Variants in NOP9 observed in about 807,000 individuals in gnomAD.
NOP9 encodes the protein nucleolar protein 9.
In NOP9, 50 loss-of-function variants were observed where a neutral mutation model predicts 63.0. The ratio of observed to expected loss-of-function variants is 0.79; its 90% CI spans 0.63 to 1.00. NOP9 has a LOEUF of 1.00. Among genes scored for constraint, NOP9 ranks in the 50% least tolerant of loss-of-function variants. The probability of loss-of-function intolerance (pLI) is 0.00; values close to 1 mark genes in which losing one functional copy is unlikely to be tolerated. For synonymous variants in NOP9, 343 were observed against 332.8 expected, an observed-to-expected ratio of 1.03 and a Z score of -0.33; for missense variants, 758 against 803.0, an observed-to-expected ratio of 0.94 and a Z score of 0.68.
the NOP9 span, chr14:24,291,220 C>A: frequency 6.2e-7 from 1 of 1,614,134 alleles, no homozygotes; most frequent in Non-Finnish European, 8.5e-7. Context: ...ATATTGGGAT[C>A]TGCGGGCACA....
chr14:24,294,360 G>A, the NOP9 span: 1 of 152,140 alleles, frequency 6.6e-6, no homozygotes, highest in East Asian at 1.9e-4. Flanking sequence ...GGCTGAGGTG[G>A]GTAGATCACT....
chr14:24,300,881 G>A, intron 2 of NOP9, 24 bp downstream of exon 2: 1 of 1,559,558 alleles, frequency 6.4e-7, no homozygotes, highest in Non-Finnish European at 8.7e-7. Flanking sequence ...GAGGAAAGTG[G>A]ACCTAGGGGG....
rs375008436 is a variant in NOP9, at chr14:24,300,044, C to T, written c.90C>T (p.Arg30=). The part of the protein sequence containing the change: ...KRGRGAKGSG[R]PLPGRKRQPW... The stretch of plus-strand genomic sequence containing the variant: ...GGCGCGGGGCCAAGGGGTCGGGGCG[C>T]CCCTTACCAGGCCGTAAGCGGCAAC... The change falls in exon 1 of 10, where the codon CGC becomes CGT. Residue 30 remains arginine (R), a synonymous_variant. Coordinates refer to ENST00000267425, the MANE Select transcript of NOP9 (RefSeq NM_174913.3). 27 of 1,610,944 alleles carry T rather than the reference C, an allele frequency of 1.7e-5. No individual in the cohort carries two copies. The highest frequency in any genetic ancestry group is 2.7e-5 in the African/African-American group (2 of 74,892).
rs1174743551 is a variant in NOP9 at position 24,300,608 on chromosome 14, T to G, written c.448T>G (p.Leu150Val). ...RCGVHVLQSA[L>V]LQLPRLLGSA... ...CGGGGTCCATGTATTACAAAGTGCTTTGCTACAGCTCCCTCGATTGCTGGG... is the reference window on the plus strand; with the variant it reads ...CGGGGTCCATGTATTACAAAGTGCTGTGCTACAGCTCCCTCGATTGCTGGG... The change falls in exon 2 of 10, where the codon TTG becomes GTG. Residue 150 changes from leucine (L) to valine (V), a missense_variant. Transcript: ENST00000267425. 6.2e-7 allele frequency: 1 copy of G among 1,613,620 alleles called. No individual in the cohort carries two copies. The highest frequency in any genetic ancestry group is 8.5e-7 in the Non-Finnish European group (1 of 1,179,990).
At position 24,307,849 on chromosome 14, in the gene NOP9, G is replaced by C; in HGVS notation, c.*2754G>C. 6.3e-7 allele frequency: 1 copy of C among 1,593,082 alleles called. No homozygotes were observed. Among genetic ancestry groups the C allele is most frequent in the Non-Finnish European group, 8.6e-7 (1 of 1,169,312 alleles). ...AAGTCACTGGGGTTCAGAGCTGAGA[G>C]GTACTCCATGGTGGACCGGAGAGTT... On this transcript the variant is annotated 3_prime_UTR_variant, in exon 10 of 10. Transcript: ENST00000267425.
chr14:24,290,826 G>A, the NOP9 span: 31 of 1,612,542 alleles, frequency 1.9e-5, no homozygotes, highest in Admixed American at 2.3e-4. Flanking sequence ...CAAATGAGAA[G>A]ACAAGCAGAG....
At chr14:24,280,903 A>G in the NOP9 span, among the ~76,000 whole-genome samples, 2 of 152,288 alleles carry the variant, frequency 1.3e-5, no homozygotes, top group East Asian at 1.9e-4. Context: ...GAGCTTGGTC[A>G]GGGGTGGCTG....
At chr14:24,296,951 A>C, upstream of NOP9, 1 of 1,603,524 alleles carries the variant, frequency 6.2e-7, no homozygotes, top group Non-Finnish European at 8.5e-7. Flanking sequence ...CTCCCCAACC[A>C]AAGTGGGCTT....
rs990845299 is a variant in NOP9, at chr14:24,309,097, A to G, written c.*4002A>G. On this transcript the variant is annotated 3_prime_UTR_variant, in exon 10 of 10. Coordinates refer to ENST00000267425, the MANE Select transcript of NOP9 (RefSeq NM_174913.3). ...ACGCTGTAGCCCACTCATTAAGTAC[A>G]TTCTCCTAATAAATGCTTTGGACTG... 1.3e-5 allele frequency: 2 copies of G among 152,206 alleles called. No individual in the cohort carries two copies. The highest frequency in any genetic ancestry group is 2.9e-5 in the Non-Finnish European group (2 of 68,042). 9.4% of individuals were successfully genotyped at this position (152,206 alleles called of 1,614,324 possible).
upstream of NOP9, chr14:24,299,675 G>A: frequency 2.5e-6 from 1 of 403,928 alleles, no homozygotes; most frequent in South Asian, 6.1e-5. Context: ...TGGAGGCAGT[G>A]TTCAAGGATT....
chr14:24,300,990 T>A, intron 2 of NOP9, 133 bp downstream of exon 2: 2 of 727,994 alleles, frequency 2.7e-6, no homozygotes, highest in Non-Finnish European at 2.2e-6. Flanking sequence ...TGTCCTAATC[T>A]GAACAGGGCT....
In NOP9 at chr14:24,302,303, C is replaced by T; in HGVS notation, c.1022C>T (p.Pro341Leu). 1.2e-6 allele frequency: 2 copies of T among 1,614,160 alleles called. No individual in the cohort carries two copies. Among genetic ancestry groups the T allele is most frequent in the Admixed American group, 3.3e-5 (2 of 60,022 alleles). Residue 341 changes from proline (P) to leucine (L), a missense_variant, in exon 5 of 10, where the codon CCC (proline) becomes CTC (leucine). Physicochemically the swap from Pro to Leu is moderately conservative, Grantham distance 98 (BLOSUM62 -3). Coordinates refer to ENST00000267425, the MANE Select transcript of NOP9 (RefSeq NM_174913.3). ...LLEQVLLVLE[P>L]PRLQSLFEEH... is the part of the protein sequence containing the mutation. ...GAGCAGGTCCTGCTGGTGTTGGAGC[C>T]CCCAAGACTCCAGAGCCTCTTTGAG...
rs2041459922 is a variant in NOP9 at position 24,305,205 on chromosome 14, T to C, written c.*110T>C. On this transcript the variant is annotated 3_prime_UTR_variant, in exon 10 of 10. Coordinates refer to ENST00000267425, the MANE Select transcript of NOP9 (RefSeq NM_174913.3). ...AGAAGTCTTAGTGGTAAATATTTGA[T>C]ATTTTTATTGGAAATGTTTTTGTTA... 8.8e-7 allele frequency: 1 copy of C among 1,138,998 alleles called. No individual in the cohort carries two copies. The highest frequency in any genetic ancestry group is 1.6e-5 in the African/African-American group (1 of 62,288). 70.6% of individuals were successfully genotyped at this position (1,138,998 alleles called of 1,614,324 possible). A position where few individuals can be genotyped will look rare whatever the true frequency, so the allele number is the denominator to read the frequency against.
At chr14:24,279,986 G>T in the NOP9 span, among the ~76,000 whole-genome samples, 1 of 152,178 alleles carries the variant, frequency 6.6e-6, no homozygotes, top group African/African-American at 2.4e-5. Context: ...ACTCCTCTAG[G>T]GGAGGAAAGA....
Position 24,306,034 on chromosome 14 carries a change from A to G in NOP9, c.*939A>G, listed in dbSNP as rs773522747. The G allele has an allele frequency of 1.2e-6, 2 of 1,614,058 alleles. No individual in the cohort carries two copies. Among genetic ancestry groups the G allele is most frequent in the Non-Finnish European group, 1.7e-6 (2 of 1,180,036 alleles). On this transcript the variant is annotated 3_prime_UTR_variant, in exon 10 of 10. Coordinates refer to ENST00000267425, the MANE Select transcript of NOP9 (RefSeq NM_174913.3). ...TGTGGCTTTGACATTCAGGCTGCCA[A>G]AGAGGTCTCGAGGGTTTTGCTTGTA...
In NOP9 at chr14:24,304,282, G is replaced by GACA; in HGVS notation, c.1647+6_1647+7insCAA. 6.2e-7 allele frequency: 1 copy of GACA among 1,611,642 alleles called. No homozygotes were observed. The highest frequency in any genetic ancestry group is 8.5e-7 in the Non-Finnish European group (1 of 1,178,352). On this transcript the variant is annotated splice_donor_region_variant and intron_variant, in intron 8 of 9. Transcript: ENST00000267425. ...CGTGTGCTGCAGAACCTAAAGGTTA[G>GACA]ATTTCTGGCTTTTGCCTTGATTCCC...
chr14:24,291,731 G>A, the NOP9 span: 1 of 1,215,990 alleles, frequency 8.2e-7, no homozygotes, highest in Middle Eastern at 1.9e-4. Context: ...AAAGACCAAA[G>A]AGGCCAAAGA....
At chr14:24,296,327 T>G (rs941311339), upstream of NOP9, among the ~76,000 whole-genome samples, 2 of 152,062 alleles carry the variant, frequency 1.3e-5, no homozygotes, top group Non-Finnish European at 2.9e-5. Flanking sequence ...GAGTTGACAT[T>G]CTCAGGTACA....
chr14:24,287,591 TG>T, the NOP9 span, among the ~76,000 whole-genome samples: 1 of 152,242 alleles, frequency 6.6e-6, no homozygotes, highest in Non-Finnish European at 1.5e-5. Flanking sequence ...ACTCTCTCTC[TG>T]GAAATGTATT....
Sources: allele counts gnomAD v4.1 joint callset (sites outside exome capture counted in the v4.1 genomes callset), GRCh38; gene constraint gnomAD v4.1.1; transcripts MANE v1.5; gene names NCBI Gene and HGNC (gene_info 2026-07-23, HGNC 2026-07-21).